LAMA2: variants seen among roughly 807,000 people sequenced by gnomAD.
LAMA2 encodes laminin subunit alpha-2.
Under a neutral mutation model 364.8 loss-of-function variants are expected in LAMA2, and 269 were observed. That is an observed-to-expected ratio of 0.74 (90% CI 0.67 to 0.82). The LOEUF (loss-of-function observed/expected upper bound fraction) is 0.82. Among genes scored for constraint, LAMA2 ranks in the 40% least tolerant of loss-of-function variants. The probability of loss-of-function intolerance (pLI) is 0.00; values close to 1 mark genes in which losing one functional copy is unlikely to be tolerated. For missense variants in LAMA2, 3,807 were observed against 3,873.2 expected (o/e 0.98, Z 0.45); for synonymous variants, 1,379 against 1,370.6 (o/e 1.01, Z -0.14).
At chr6:129,047,699 T>C (rs1244187905) in intron 1 of LAMA2, among the ~76,000 whole-genome samples, 2 of 152,174 alleles carry the variant, frequency 1.3e-5, no homozygotes, top group Non-Finnish European at 2.9e-5. Context: ...TTTGGAGTGA[T>C]TACAATAAAG....
intron 15 of LAMA2, among the ~76,000 whole-genome samples, chr6:129,264,002 C>G (rs2114332821): frequency 6.6e-6 from 1 of 152,266 alleles, no homozygotes; most frequent in South Asian, 2.1e-4. Flanking sequence ...CCTCAGCCTC[C>G]CAAAGTTCTG....
intron 12 of LAMA2, among the ~76,000 whole-genome samples, chr6:129,249,454 G>A (rs996240192): frequency 4.6e-5 from 7 of 152,138 alleles, no homozygotes; most frequent in African/African-American, 1.7e-4. Flanking sequence ...TACATTGCAT[G>A]GGGCTTGGCA....
In LAMA2 at chr6:129,050,065, A is replaced by G. The variant is rs777836126; in HGVS notation, c.260A>G (p.Asn87Ser). The change falls in exon 2 of 65, where the codon AAT becomes AGT. Residue 87 changes from asparagine to serine, a missense_variant. Coordinates refer to ENST00000421865, the MANE Select transcript of LAMA2 (RefSeq NM_000426.4). ...PVRNPQCRIC[N>S]QNSSNPNQRH... ...AGGAACCCGCAGTGTCGAATCTGCAATCAAAACAGCAGCAATCCAAACCGT... is the reference window on the plus strand; with the variant it reads ...AGGAACCCGCAGTGTCGAATCTGCAGTCAAAACAGCAGCAATCCAAACCGT... 1.2e-6 allele frequency: 2 copies of G among 1,614,204 alleles called. No individual in the cohort carries two copies. The highest frequency in any genetic ancestry group is 1.7e-6 in the Non-Finnish European group (2 of 1,180,024).
At chr6:128,925,799 T>C (rs1246782287) in intron 1 of LAMA2, among the ~76,000 whole-genome samples, 2 of 152,156 alleles carry the variant, frequency 1.3e-5, no homozygotes, top group Non-Finnish European at 2.9e-5. Flanking sequence ...TAGCAATATA[T>C]GGTTTATTCT....
intron 41 of LAMA2, among the ~76,000 whole-genome samples, chr6:129,431,397 TAA>T (rs35235056): frequency 1.1e-4 from 11 of 98,390 alleles, no homozygotes; most frequent in African/African-American, 7.6e-5. Flanking sequence ...AGACTCTATC[TAA>T]AAAAAAAAAA....
chr6:129,299,874 T>A (rs190998786), intron 21 of LAMA2, among the ~76,000 whole-genome samples: 1 of 152,176 alleles, frequency 6.6e-6, no homozygotes, highest in Non-Finnish European at 1.5e-5. Flanking sequence ...ATATAACCAA[T>A]TAAAAGTTTA....
chr6:129,104,411 A>C (rs1474191705), intron 4 of LAMA2, among the ~76,000 whole-genome samples: 2 of 152,240 alleles, frequency 1.3e-5, no homozygotes, highest in Non-Finnish European at 2.9e-5. Context: ...TAGGCTTAGA[A>C]CATTAATAGG....
intron 16 of LAMA2, among the ~76,000 whole-genome samples, chr6:129,268,077 T>C (rs571556547): frequency 2.6e-4 from 39 of 152,218 alleles, no homozygotes; most frequent in African/African-American, 9.1e-4. Flanking sequence ...TCTTGCTCAT[T>C]TTCCCCCATT....
chr6:128,950,777 CACACATATAT>C, intron 1 of LAMA2, among the ~76,000 whole-genome samples: 1 of 151,940 alleles, frequency 6.6e-6, no homozygotes, highest in Non-Finnish European at 1.5e-5. Context: ...TATTTATTAA[CACACATATAT>C]AATCTGCACA....
chr6:129,156,214 A>G (rs991137649), intron 8 of LAMA2, among the ~76,000 whole-genome samples: 3 of 151,564 alleles, frequency 2.0e-5, no homozygotes, highest in Non-Finnish European at 4.4e-5. Context: ...GTCACACATG[A>G]TAAATATATA....
Position 129,315,629 on chromosome 6 carries a change from C to A in LAMA2, c.3709C>A (p.Leu1237Ile), listed in dbSNP as rs1321031373. The A allele has an allele frequency of 1.2e-6, 2 of 1,614,158 alleles. No individual in the cohort carries two copies. The change falls in exon 25 of 65, where the codon CTT (leucine) becomes ATT (isoleucine). Residue 1237 changes from leucine to isoleucine, a missense_variant. Coordinates refer to ENST00000421865, the MANE Select transcript of LAMA2 (RefSeq NM_000426.4). ...CCATTTGGAACCTTTTTATTGGAAACTTCCAGAACAATTTGAAGGAAAGAA... is the reference window on the plus strand; with the variant it reads ...CCATTTGGAACCTTTTTATTGGAAAATTCCAGAACAATTTGAAGGAAAGAA... The part of the protein sequence containing the change: ...DLHLEPFYWK[L>I]PEQFEGKKLM...
chr6:129,028,748 A>G (rs142035904), intron 1 of LAMA2, among the ~76,000 whole-genome samples: 9 of 151,990 alleles, frequency 5.9e-5, no homozygotes, highest in Admixed American at 3.3e-4. Flanking sequence ...GAGGGAATCA[A>G]TATGGTTTTT....
chr6:129,320,298 A>G (rs1774882759), intron 27 of LAMA2, among the ~76,000 whole-genome samples: 1 of 152,128 alleles, frequency 6.6e-6, no homozygotes, highest in Non-Finnish European at 1.5e-5. Context: ...TGGTCCTGCT[A>G]TCTCTGGGTA....
chr6:128,921,509 G>A (rs1020488465), intron 1 of LAMA2, among the ~76,000 whole-genome samples: 7 of 152,080 alleles, frequency 4.6e-5, no homozygotes, highest in Admixed American at 6.6e-5. Context: ...GAAGAGGGGA[G>A]GAGATACAGA....
Position 129,428,813 on chromosome 6 carries a change from A to G in LAMA2, c.5968+959A>G, listed in dbSNP as rs142624055. Among the ~76,000 whole-genome samples the G allele has an allele frequency of 2.9e-4, 44 of 152,294 alleles. 4 individuals are homozygous for G. The highest frequency in any genetic ancestry group is 1.1e-3 in the African/African-American group (44 of 41,570). On this transcript the variant is annotated intron_variant, in intron 41 of 64. Coordinates refer to ENST00000421865, the MANE Select transcript of LAMA2 (RefSeq NM_000426.4). ...AAATGCACAAAATATCTACTGCCATATTATGGGTTTTATGTTAAGAATATA... is the reference window on the plus strand; with the variant it reads ...AAATGCACAAAATATCTACTGCCATGTTATGGGTTTTATGTTAAGAATATA...
chr6:129,322,722 G>C (rs1443015984), intron 28 of LAMA2, among the ~76,000 whole-genome samples: 1 of 152,092 alleles, frequency 6.6e-6, no homozygotes, highest in Non-Finnish European at 1.5e-5. Context: ...AAATAATACT[G>C]TTCACTTGTG....
At chr6:129,128,624 A>G (rs1419184012) in intron 4 of LAMA2, among the ~76,000 whole-genome samples, 1 of 152,230 alleles carries the variant, frequency 6.6e-6, no homozygotes, top group Non-Finnish European at 1.5e-5. Flanking sequence ...CTTCCAATCC[A>G]TGAACACAGG....
chr6:129,052,656 G>T (rs1380664407), intron 2 of LAMA2, among the ~76,000 whole-genome samples: 3 of 152,062 alleles, frequency 2.0e-5, no homozygotes, highest in African/African-American at 7.2e-5. Context: ...TTCATAGACT[G>T]CATTAGGGTT....
intron 1 of LAMA2, among the ~76,000 whole-genome samples, chr6:128,976,691 T>C (rs1434336487): frequency 6.6e-6 from 1 of 152,200 alleles, no homozygotes; most frequent in Non-Finnish European, 1.5e-5. Flanking sequence ...TTGACATTCC[T>C]GAGAAATGTA....
Sources: allele counts gnomAD v4.1 joint callset (sites outside exome capture counted in the v4.1 genomes callset), GRCh38; gene constraint gnomAD v4.1.1; transcripts MANE v1.5; gene names NCBI Gene and HGNC (gene_info 2026-07-23, HGNC 2026-07-21).